Variants in SUN1 observed in about 807,000 individuals in gnomAD.
SUN1 encodes the protein Sad1 and UNC84 domain containing 1.
Under a neutral mutation model 103.2 loss-of-function variants are expected in SUN1, and 61 were observed. The ratio of observed to expected loss-of-function variants is 0.59; its 90% CI spans 0.48 to 0.73. SUN1 has a LOEUF of 0.73. SUN1 is among the 30% of genes least tolerant of loss of function. SUN1 has a pLI of 0.00. For synonymous variants in SUN1, 490 were observed against 425.7 expected, an observed-to-expected ratio of 1.15 and a Z score of -1.86; for missense variants, 1,052 against 1,034.6, an observed-to-expected ratio of 1.02 and a Z score of -0.23.
upstream of SUN1, among the ~76,000 whole-genome samples, chr7:828,294 C>CA (rs1794647933): frequency 6.6e-6 from 1 of 151,276 alleles, no homozygotes; most frequent in Non-Finnish European, 1.5e-5. Flanking sequence ...TTTTTTGAGA[C>CA]AGAGTCTCAC....
At chr7:817,817 GT>G (rs1450055697) in intron 1 of SUN1, among the ~76,000 whole-genome samples, 5 of 151,982 alleles carry the variant, frequency 3.3e-5, no homozygotes, top group African/African-American at 1.2e-4. Flanking sequence ...CCTTTTCTTT[GT>G]TTACCCTTTT....
chr7:841,176 G>C (rs997696937), intron 2 of SUN1, among the ~76,000 whole-genome samples: 1 of 150,190 alleles, frequency 6.7e-6, no homozygotes, highest in Non-Finnish European at 1.5e-5. Flanking sequence ...CAGGTGATCC[G>C]CCTGCCCCAG....
At chr7:825,116 T>A (rs1433136840) in intron 1 of SUN1, among the ~76,000 whole-genome samples, 1 of 152,114 alleles carries the variant, frequency 6.6e-6, no homozygotes, top group South Asian at 2.1e-4. Flanking sequence ...TGGAGTGCAG[T>A]GGCACGATCT....
At position 838,807 on chromosome 7, in the gene SUN1, T is replaced by G. The variant is rs753219957; in HGVS notation, c.87T>G (p.Tyr29Ter). Reference protein sequence around the residue: ...TGYTYALSSSYSSDALDFETE... With the variant: ...TGYTYALSSS ...AGCTTTTTCCTTCTAGTTCCAGCTATTCTTCAGATGCTCTGGATTTTGAGA... is the reference window on the plus strand; with the variant it reads ...AGCTTTTTCCTTCTAGTTCCAGCTAGTCTTCAGATGCTCTGGATTTTGAGA... Residue 29 changes from tyrosine (Y) to a stop codon, truncating the protein, a stop_gained, in exon 2 of 19, where the codon TAT becomes TAG. Transcript: ENST00000401592. LOFTEE classifies it high-confidence loss of function. 4 of 1,548,888 alleles carry G rather than the reference T, an allele frequency of 2.6e-6. No homozygotes were observed. Among genetic ancestry groups the G allele is most frequent in the Non-Finnish European group, 2.6e-6 (3 of 1,144,386 alleles).
At chr7:838,716 C>T in intron 1 of SUN1, 82 bp from the exon 2 acceptor site, 2 of 1,359,870 alleles carry the variant, frequency 1.5e-6, no homozygotes, top group South Asian at 3.1e-5. Context: ...GTACATTGCA[C>T]TTTCAGTTTA....
Position 837,900 on chromosome 7 carries a change from A to G in SUN1, c.78-898A>G, listed in dbSNP as rs560642667. On this transcript the variant is annotated intron_variant, in intron 1 of 18. Transcript: ENST00000401592. ...CTGCTAGAAACAAACCCTTCTTGAG[A>G]TGACACTGAAATTCTGTCTGGCTTC... Among the ~76,000 whole-genome samples the G allele has an allele frequency of 4.3e-4, 65 of 152,378 alleles. 2 individuals carry two copies. Among genetic ancestry groups the G allele is most frequent in the Non-Finnish European group, 2.9e-5 (2 of 68,038 alleles).
At chr7:853,337 T>A in intron 9 of SUN1, 72 bp from the exon 10 acceptor site, 2 of 1,552,148 alleles carry the variant, frequency 1.3e-6, no homozygotes, top group Non-Finnish European at 1.8e-6. Flanking sequence ...TAGGACACTG[T>A]TTGGAGGTTT....
chr7:855,205 G>T (rs1403414372), intron 11 of SUN1, among the ~76,000 whole-genome samples, 199 bp downstream of exon 11: 1 of 152,210 alleles, frequency 6.6e-6, no homozygotes, highest in Admixed American at 6.5e-5. Context: ...TGTAACTCAC[G>T]CATCCCCGTG....
upstream of SUN1, among the ~76,000 whole-genome samples, chr7:829,398 T>C (rs1795795503): frequency 6.6e-6 from 1 of 152,118 alleles, no homozygotes; most frequent in African/African-American, 2.4e-5. Flanking sequence ...TGCCTGCAGG[T>C]GTGCCGGCGA....
At chr7:850,065 G>T in intron 5 of SUN1, 2 of 1,523,022 alleles carry the variant, frequency 1.3e-6, no homozygotes, top group African/African-American at 1.4e-5. Flanking sequence ...GTCTCATCTC[G>T]CCCTGTCACC....
upstream of SUN1, among the ~76,000 whole-genome samples, chr7:828,903 C>T (rs1005479840): frequency 5.3e-5 from 8 of 152,238 alleles, no homozygotes; most frequent in African/African-American, 1.9e-4. Context: ...CCAGGGCTTT[C>T]TGAGGCCCAG....
intron 5 of SUN1, chr7:849,563 C>T: frequency 1.4e-6 from 2 of 1,412,382 alleles, no homozygotes; most frequent in Non-Finnish European, 1.9e-6. Context: ...GAGAGGTTCT[C>T]AGAGAGGATG....
chr7:843,640 C>T (rs767863319), intron 5 of SUN1, 120 bp downstream of exon 5: 6 of 1,581,184 alleles, frequency 3.8e-6, no homozygotes, highest in Non-Finnish European at 5.2e-6. Flanking sequence ...CCCTTGAAAG[C>T]ATAAGAAGTA....
intron 1 of SUN1, among the ~76,000 whole-genome samples, chr7:826,488 C>G (rs959885472): frequency 6.6e-6 from 1 of 152,128 alleles, no homozygotes; most frequent in African/African-American, 2.4e-5. Context: ...TAGGCCCTGC[C>G]GAGGCCGGGG....
rs535151117 is a variant in SUN1 at position 874,230 on chromosome 7, A to G, written c.*899A>G. On this transcript the variant is annotated 3_prime_UTR_variant, in exon 19 of 19. Transcript: ENST00000401592. ...GGTGTGTCAGGGTCACGAACCCGTTACATTTCAGGACGATCCTTTTTCCTT... is the reference window on the plus strand; with the variant it reads ...GGTGTGTCAGGGTCACGAACCCGTTGCATTTCAGGACGATCCTTTTTCCTT... 2.6e-5 allele frequency: 4 copies of G among 152,646 alleles called. No homozygotes were observed. In the South Asian group the frequency reaches 8.3e-4, roughly 32 times the overall value. 9.5% of individuals were successfully genotyped at this position (152,646 alleles called of 1,614,324 possible).
chr7:854,847 G>A lies in SUN1; in HGVS notation c.1264-73G>A, dbSNP rs570368372. The A allele has an allele frequency of 2.9e-5, 32 of 1,097,302 alleles. No individual in the cohort carries two copies. The African/African-American group carries it at 3.4e-4, about 12-fold the overall frequency. 68.0% of individuals were successfully genotyped at this position (1,097,302 alleles called of 1,614,324 possible). On this transcript the variant is annotated intron_variant, in intron 10 of 18. Transcript: ENST00000401592. ...GATTGTCGGTATTCCGTGTAGAAAC[G>A]CCTTGGCCTGATTTGCCAGGTTTTT... is the stretch of plus-strand genomic sequence containing the variant.
At chr7:861,540 C>A in intron 15 of SUN1, 76 bp downstream of exon 15, 1 of 1,437,774 alleles carries the variant, frequency 7.0e-7, no homozygotes, top group Non-Finnish European at 9.8e-7. Context: ...GAGGCTGTTG[C>A]CTACCCCACT....
upstream of SUN1, among the ~76,000 whole-genome samples, chr7:815,614 T>C (rs1345980837): frequency 6.6e-6 from 1 of 151,594 alleles, no homozygotes; most frequent in Non-Finnish European, 1.5e-5. Flanking sequence ...GTGAACATGA[T>C]TGTATGTAAA....
At chr7:817,542 T>A (rs755390931) in intron 1 of SUN1, 512 of 1,532,984 alleles carry the variant, frequency 3.3e-4, no homozygotes, top group Non-Finnish European at 4.2e-4. Context: ...CTTTGCAGCT[T>A]GTGGTTGCTG....
Sources: gnomAD v4.1 joint callset for allele counts (sites outside exome capture counted in the v4.1 genomes callset) on GRCh38, gnomAD v4.1.1 for gene constraint, MANE v1.5 for transcripts, NCBI Gene and HGNC (gene_info 2026-07-23, HGNC 2026-07-21) for gene names.